QTMAN: variants seen among roughly 807,000 people sequenced by gnomAD.
The protein encoded by QTMAN is queuosine-tRNA mannosyltransferase.
the QTMAN span, among the ~76,000 whole-genome samples, chr2:143,956,273 A>C: frequency 6.6e-6 from 1 of 152,090 alleles, no homozygotes; most frequent in Non-Finnish European, 1.5e-5. Context: ...TCTGAAGGAG[A>C]TTTTAAAGTA....
chr2:144,295,061 T>C, the QTMAN span, among the ~76,000 whole-genome samples: 2 of 152,206 alleles, frequency 1.3e-5, no homozygotes, highest in South Asian at 2.1e-4. Flanking sequence ...AAAATATTGA[T>C]TTCATATTTC....
At chr2:144,062,084 T>C in the QTMAN span, among the ~76,000 whole-genome samples, 7 of 152,154 alleles carry the variant, frequency 4.6e-5, no homozygotes, top group Non-Finnish European at 8.8e-5. Context: ...TGGGATGCAC[T>C]AGGTGGAGGA....
At chr2:144,202,764 A>C in the QTMAN span, among the ~76,000 whole-genome samples, 1 of 152,192 alleles carries the variant, frequency 6.6e-6, no homozygotes, top group Non-Finnish European at 1.5e-5. Context: ...TTTATCCTAG[A>C]GGTCTTTAAA....
the QTMAN span, among the ~76,000 whole-genome samples, chr2:144,219,131 ATTC>A: frequency 2.6e-5 from 4 of 151,410 alleles, no homozygotes; most frequent in African/African-American, 9.7e-5. Context: ...CTTTTTTTTA[ATTC>A]TTCTTCTTCT....
the QTMAN span, among the ~76,000 whole-genome samples, chr2:144,313,641 C>T: frequency 6.6e-6 from 1 of 151,962 alleles, no homozygotes; most frequent in Non-Finnish European, 1.5e-5. Context: ...TGGAAAATGT[C>T]CACATTAGAA....
At chr2:144,164,986 T>A in the QTMAN span, among the ~76,000 whole-genome samples, 1 of 152,158 alleles carries the variant, frequency 6.6e-6, no homozygotes, top group African/African-American at 2.4e-5. Context: ...TACAATTAAA[T>A]TTTTTGGAAA....
the QTMAN span, among the ~76,000 whole-genome samples, chr2:144,256,732 G>C: frequency 9.2e-5 from 14 of 152,148 alleles, no homozygotes; most frequent in Admixed American, 7.2e-4. Flanking sequence ...AAAAGGGAGG[G>C]AAAGGCATTA....
the QTMAN span, among the ~76,000 whole-genome samples, chr2:144,185,142 G>T: frequency 6.6e-6 from 1 of 152,084 alleles, no homozygotes; most frequent in Non-Finnish European, 1.5e-5. Context: ...ACTATGTCAG[G>T]CTCCAAAAAT....
chr2:144,290,504 A>G, the QTMAN span, among the ~76,000 whole-genome samples: 1 of 152,174 alleles, frequency 6.6e-6, no homozygotes, highest in African/African-American at 2.4e-5. Flanking sequence ...ATCCTTTTAA[A>G]GTGTAGATAA....
At chr2:143,966,751 G>T in the QTMAN span, among the ~76,000 whole-genome samples, 2 of 152,202 alleles carry the variant, frequency 1.3e-5, no homozygotes, top group Non-Finnish European at 2.9e-5. Context: ...TTAGGAAAAA[G>T]ATTACAAAAA....
At chr2:144,138,810 A>G in the QTMAN span, among the ~76,000 whole-genome samples, 4 of 152,208 alleles carry the variant, frequency 2.6e-5, no homozygotes, top group Admixed American at 1.3e-4. Context: ...AGGAGAAGGC[A>G]TAATTATCTA....
the QTMAN span, among the ~76,000 whole-genome samples, chr2:144,163,688 C>G: frequency 6.6e-6 from 1 of 152,180 alleles, no homozygotes; most frequent in East Asian, 1.9e-4. Flanking sequence ...TTTTAAAGGG[C>G]AAAAAATCAT....
chr2:144,067,458 A>C, the QTMAN span, among the ~76,000 whole-genome samples: 1 of 152,212 alleles, frequency 6.6e-6, no homozygotes, highest in African/African-American at 2.4e-5. Context: ...TTTAGCGAGG[A>C]CAATAAGAAA....
the QTMAN span, among the ~76,000 whole-genome samples, chr2:144,271,400 C>T: frequency 1.3e-5 from 2 of 152,166 alleles, no homozygotes; most frequent in Admixed American, 1.3e-4. Context: ...TTCTGATATT[C>T]TTTCACCAGC....
At chr2:144,247,005 A>C in the QTMAN span, among the ~76,000 whole-genome samples, 1 of 152,234 alleles carries the variant, frequency 6.6e-6, no homozygotes, top group Non-Finnish European at 1.5e-5. Context: ...ATCAAGTGAG[A>C]AAACTGAATA....
the QTMAN span, among the ~76,000 whole-genome samples, chr2:144,160,338 A>G: frequency 3.3e-5 from 5 of 152,178 alleles, no homozygotes; most frequent in African/African-American, 1.2e-4. Flanking sequence ...TACTGATTAC[A>G]GCAATAAAAA....
the QTMAN span, among the ~76,000 whole-genome samples, chr2:144,268,853 G>C: frequency 6.6e-6 from 1 of 151,886 alleles, no homozygotes; most frequent in East Asian, 1.9e-4. Flanking sequence ...GCAATGGCAC[G>C]ATCTCGGCTC....
chr2:144,294,345 C>T, the QTMAN span: 2 of 152,182 alleles, frequency 1.3e-5, no homozygotes, highest in Admixed American at 6.5e-5. Flanking sequence ...GGCTCACTTC[C>T]TAAGGGAAGC....
At chr2:144,133,144 T>A in the QTMAN span, among the ~76,000 whole-genome samples, 1 of 57,700 alleles carries the variant, frequency 1.7e-5, no homozygotes, top group African/African-American at 1.3e-4. Context: ...TATATATATA[T>A]ATATATAATA....
Sources: allele counts gnomAD v4.1 joint callset (sites outside exome capture counted in the v4.1 genomes callset), GRCh38; gene constraint gnomAD v4.1.1; transcripts MANE v1.5; gene names NCBI Gene and HGNC (gene_info 2026-07-23, HGNC 2026-07-21).